The following DNMT1 variants were observed in gnomAD, a reference collection of about 807,000 sequenced individuals.
DNMT1 encodes the protein DNA methyltransferase 1.
A neutral mutation model predicts 205.3 loss-of-function variants in DNMT1; 24 were observed. The ratio of observed to expected loss-of-function variants is 0.12; its 90% CI spans 0.08 to 0.16. The LOEUF (loss-of-function observed/expected upper bound fraction) is 0.16, where lower values mean the gene tolerates loss of function less well. Among genes scored for constraint, DNMT1 ranks in the 10% least tolerant of loss-of-function variants. The pLI is 1.00. For missense variants in DNMT1, 1,293 were observed against 2,177.7 expected, an observed-to-expected ratio of 0.59 and a Z score of 8.09; for synonymous variants, 817 against 839.8, an observed-to-expected ratio of 0.97 and a Z score of 0.47.
chr19:10,143,628 T>C, intron 29 of DNMT1, 138 bp downstream of exon 29: 2 of 986,930 alleles, frequency 2.0e-6, no homozygotes, highest in East Asian at 2.4e-5. Context: ...TGCCCACCGA[T>C]AATCAGAAAC....
At chr19:10,184,167 G>A (rs1017594923) in intron 1 of DNMT1, among the ~76,000 whole-genome samples, 2 of 152,202 alleles carry the variant, frequency 1.3e-5, no homozygotes, top group African/African-American at 4.8e-5. Flanking sequence ...ATAACAAGGT[G>A]TGCCACAGTA....
chr19:10,182,442 CATATATATGTGTATATATATGTGTGTAT>C (rs1568256176), intron 1 of DNMT1, among the ~76,000 whole-genome samples: 6 of 120,624 alleles, frequency 5.0e-5, no homozygotes, highest in Non-Finnish European at 8.5e-5. Flanking sequence ...TATATATATA[CATATATATGTGTATATATATGTGTGTAT>C]ATATATACAT....
Position 10,139,698 on chromosome 19 carries a change from T to C in DNMT1, c.3926A>G (p.Gln1309Arg). Residue 1309 changes from glutamine to arginine, a missense_variant, in exon 34 of 41, where the codon CAG (glutamine) becomes CGG (arginine). Gln to Arg is a conservative substitution (Grantham distance 43). Coordinates refer to ENST00000359526, the MANE Select transcript of DNMT1 (RefSeq NM_001130823.3). ...TLRCLVRMGY[Q>R]CTFGVLQAGQ... The stretch of plus-strand genomic sequence containing the variant: ...CACCTGCAGCACGCCGAAGGTGCAC[T>C]GATAGCCCATGCGGACCAGGCAGCG... 6.2e-7 allele frequency: 1 copy of C among 1,613,602 alleles called. No individual in the cohort carries two copies. Among genetic ancestry groups the C allele is most frequent in the Non-Finnish European group, 8.5e-7 (1 of 1,179,972 alleles).
In DNMT1 at chr19:10,139,670, G is replaced by A. The variant is rs1280134531; in HGVS notation, c.3948+6C>T. On this transcript the variant is annotated splice_donor_region_variant and intron_variant, in intron 34 of 40. Coordinates refer to ENST00000359526, the MANE Select transcript of DNMT1 (RefSeq NM_001130823.3). ...TCTGTCTGCCCGCCCCAGCCCCAGG[G>A]CCCACCTGCAGCACGCCGAAGGTGC... The A allele has an allele frequency of 1.9e-6, 3 of 1,611,994 alleles. No homozygotes were observed. Among genetic ancestry groups the A allele is most frequent in the African/African-American group, 1.3e-5 (1 of 74,900 alleles).
chr19:10,153,854 T>A (rs1026215011), intron 22 of DNMT1, among the ~76,000 whole-genome samples: 1 of 152,048 alleles, frequency 6.6e-6, no homozygotes, highest in South Asian at 2.1e-4. Context: ...GGTCTTTGGG[T>A]CATAGGACTA....
In DNMT1 at chr19:10,159,586, C is replaced by A. The variant is rs1301092467; in HGVS notation, c.1280+72G>T. ...AGGCACTAAAAAACATCACCAGAAT[C>A]GTGAGCCCGCAGGCACCTCTGGGGA... is the stretch of plus-strand genomic sequence containing the variant. On this transcript the variant is annotated intron_variant, in intron 17 of 40. Coordinates refer to ENST00000359526, the MANE Select transcript of DNMT1 (RefSeq NM_001130823.3). This position sits in a 1 kb window ranked among gnomAD's most constrained non-coding sequence, Gnocchi z 5.0. The A allele has an allele frequency of 2.1e-6, 3 of 1,461,184 alleles. No individual in the cohort carries two copies. The highest frequency in any genetic ancestry group is 1.2e-5 in the South Asian group (1 of 86,854). The allele number at this position is 1,461,184 out of a possible 1,614,324, so 90.5% of individuals were successfully genotyped here.
At position 10,138,384 on chromosome 19, in the gene DNMT1, A is replaced by AT; in HGVS notation, c.4115+54dup. On this transcript the variant is annotated intron_variant, in intron 35 of 40. Coordinates refer to ENST00000359526, the MANE Select transcript of DNMT1 (RefSeq NM_001130823.3). The surrounding 1 kb of genome is among the most constrained non-coding windows in gnomAD (Gnocchi z 4.1). ...TCACCAGGGAGTACTCACGGGCCCC[A>AT]TGAGCTACTGAGGCCTGCTCGGCAG... The AT allele has an allele frequency of 6.2e-7, 1 of 1,612,078 alleles. No homozygotes were observed. The highest frequency in any genetic ancestry group is 8.5e-7 in the Non-Finnish European group (1 of 1,179,460).
chr19:10,167,248 T>C (rs573909354), intron 10 of DNMT1, among the ~76,000 whole-genome samples: 5 of 151,822 alleles, frequency 3.3e-5, no homozygotes, highest in East Asian at 3.9e-4. Flanking sequence ...TACCCTGGAG[T>C]GCAGTGATGT....
intron 22 of DNMT1, among the ~76,000 whole-genome samples, 171 bp from the exon 23 acceptor site, chr19:10,152,018 G>C (rs2038352674): frequency 1.3e-5 from 2 of 151,792 alleles, no homozygotes; most frequent in Non-Finnish European, 2.9e-5. Flanking sequence ...AGATTAGCCA[G>C]GCATGGTAGG....
intron 34 of DNMT1, 88 bp downstream of exon 34, chr19:10,139,588 G>A: frequency 6.5e-7 from 1 of 1,546,170 alleles, no homozygotes; most frequent in Non-Finnish European, 8.7e-7. Context: ...CTATGCCATT[G>A]AACCCTGCCT....
chr19:10,186,010 T>C lies in DNMT1; in HGVS notation c.81-3933A>G, dbSNP rs577703535. Among the ~76,000 whole-genome samples the C allele has an allele frequency of 2.6e-5, 4 of 152,094 alleles. No homozygotes were observed. In the East Asian group the frequency reaches 7.7e-4, roughly 29 times the overall value. On this transcript the variant is annotated intron_variant, in intron 1 of 40. Transcript: ENST00000359526. ...CTTCCAGCCAGAGGCACACACGCTGTGGTAATAGCGTTACACTTGACTTCT... is the reference window on the plus strand; with the variant it reads ...CTTCCAGCCAGAGGCACACACGCTGCGGTAATAGCGTTACACTTGACTTCT...
rs759717920 is a variant in DNMT1 at position 10,138,006 on chromosome 19, C to T, written c.4119G>A (p.Leu1373=). The change falls in exon 36 of 41, where the codon TTG becomes TTA. Residue 1373 remains leucine, a synonymous_variant. Transcript: ENST00000359526. The surrounding 1 kb of genome is among the most constrained non-coding windows in gnomAD (Gnocchi z 4.1). ...DKKFVSNITR[L]SSGPFRTITV... ...TGATGGTCCGGAAAGGACCCGAGCTCAACCTGCAACAGAGGAGGAGGTCAA... is the reference window on the plus strand; with the variant it reads ...TGATGGTCCGGAAAGGACCCGAGCTTAACCTGCAACAGAGGAGGAGGTCAA... 1 of 1,610,074 alleles carries T rather than the reference C, an allele frequency of 6.2e-7. No homozygotes were observed. Among genetic ancestry groups the T allele is most frequent in the East Asian group, 2.2e-5 (1 of 44,808 alleles).
chr19:10,138,126 G>A lies in DNMT1; in HGVS notation c.4116-117C>T, dbSNP rs764380927. Reference sequence around the variant, plus strand: ...TTCTCCCGAGATCACAGCACTGCCCGAGGTCACATGGGTGGCAGTGTGCCT... The same window carrying A: ...TTCTCCCGAGATCACAGCACTGCCCAAGGTCACATGGGTGGCAGTGTGCCT... On this transcript the variant is annotated intron_variant, in intron 35 of 40. Transcript: ENST00000359526. This position sits in a 1 kb window ranked among gnomAD's most constrained non-coding sequence, Gnocchi z 4.1. 7.0e-5 allele frequency: 91 copies of A among 1,294,556 alleles called. No homozygotes were observed. In the African/African-American group the frequency reaches 1.1e-3, roughly 15 times the overall value. 80.2% of individuals were successfully genotyped at this position (1,294,556 alleles called of 1,614,324 possible). A position where few individuals can be genotyped will look rare whatever the true frequency, so the allele number is the denominator to read the frequency against.
At chr19:10,166,021 C>A (rs2038685397) in intron 11 of DNMT1, among the ~76,000 whole-genome samples, 1 of 152,108 alleles carries the variant, frequency 6.6e-6, no homozygotes, top group African/African-American at 2.4e-5. Flanking sequence ...TCTTCGGCAT[C>A]TCTTAGATAG....
intron 25 of DNMT1, 37 bp downstream of exon 25, chr19:10,149,816 G>A (rs2038297929): frequency 1.2e-6 from 2 of 1,610,270 alleles, no homozygotes; most frequent in Non-Finnish European, 1.7e-6. Context: ...TGATGAGAAA[G>A]TGCATGCAGA....
chr19:10,143,833 A>G lies in DNMT1; in HGVS notation c.3049T>C (p.Cys1017Arg). The change falls in exon 29 of 41, where the codon TGT (cysteine) becomes CGT (arginine). Residue 1017 changes from cysteine (C) to arginine (R), a missense_variant. Around this residue, in one of 13 missense-constraint regions of DNMT1, gnomAD observed 167 missense variants for 258.1 expected, o/e 0.65. Coordinates refer to ENST00000359526, the MANE Select transcript of DNMT1 (RefSeq NM_001130823.3). Reference protein sequence around the residue: ...YRIGRIKEIFCPKKSNGRPNE... With the variant: ...YRIGRIKEIFRPKKSNGRPNE... ...GGCCTGCCGTTGCTCTTCTTGGGAC[A>G]GAAGATCTCTTTGATCCGGCCAATT... 17 of 1,614,166 alleles carry G rather than the reference A, an allele frequency of 1.1e-5. No individual in the cohort carries two copies. The highest frequency in any genetic ancestry group is 1.4e-5 in the Non-Finnish European group (17 of 1,180,026).
chr19:10,192,875 C>G (rs1408741965), intron 1 of DNMT1, among the ~76,000 whole-genome samples: 1 of 151,940 alleles, frequency 6.6e-6, no homozygotes, highest in African/African-American at 2.4e-5. Context: ...GGAGAAACCC[C>G]GACTCCACTG....
At chr19:10,177,906 T>C (rs2038965213) in intron 5 of DNMT1, among the ~76,000 whole-genome samples, 1 of 145,656 alleles carries the variant, frequency 6.9e-6, no homozygotes, top group African/African-American at 2.6e-5. Flanking sequence ...GTACACAGCC[T>C]TGGCGACAGA....
chr19:10,180,593 A>G (rs1417785112), intron 3 of DNMT1, 24 bp from the exon 4 acceptor site: 3 of 1,609,554 alleles, frequency 1.9e-6, no homozygotes, highest in Non-Finnish European at 2.6e-6. Context: ...GGATAATTTA[A>G]GTAGCAGTGA....
Sources: gnomAD v4.1 joint callset for allele counts (sites outside exome capture counted in the v4.1 genomes callset) on GRCh38, gnomAD v4.1.1 for gene constraint, gnomAD v4.1.1 regional missense constraint, Gnocchi (gnomAD v3.1) non-coding constraint, MANE v1.5 for transcripts, NCBI Gene and HGNC (gene_info 2026-07-23, HGNC 2026-07-21) for gene names.